Variants in WDR25 observed in about 807,000 individuals in gnomAD.
WDR25 encodes WD repeat-containing protein 25.
A neutral mutation model predicts 47.7 loss-of-function variants in WDR25; 35 were observed. The ratio of observed to expected loss-of-function variants is 0.73; its 90% CI spans 0.56 to 0.97. WDR25 has a LOEUF of 0.97. Among genes scored for constraint, WDR25 ranks in the 50% least tolerant of loss-of-function variants. WDR25 has a pLI of 0.00. For synonymous variants in WDR25, 248 were observed against 278.9 expected (o/e 0.89, Z 1.10); for missense variants, 634 against 704.7 (o/e 0.90, Z 1.14).
rs1189257117 is a variant in WDR25, at chr14:100,449,284, C to T, written c.823-18737C>T. ...CCATCCCAGCCCCATCAGGGAGGGC[C>T]AGGGAGAACCGTGGCTTCGATAATG... is the stretch of plus-strand genomic sequence containing the variant. On this transcript the variant is annotated intron_variant, in intron 2 of 6. Transcript: ENST00000402312. This position sits in a 1 kb window ranked among gnomAD's most constrained non-coding sequence, Gnocchi z 4.2. 6.6e-6 allele frequency among the ~76,000 whole-genome samples: 1 copy of T among 152,222 alleles called. No homozygotes were observed. The highest frequency in any genetic ancestry group is 2.4e-5 in the African/African-American group (1 of 41,448).
At chr14:100,527,275 G>A (rs925173636) in intron 5 of WDR25, among the ~76,000 whole-genome samples, 4 of 150,070 alleles carry the variant, frequency 2.7e-5, no homozygotes, top group Non-Finnish European at 5.9e-5. Flanking sequence ...TCACCACCGT[G>A]ATTGTCACCA....
intron 2 of WDR25, among the ~76,000 whole-genome samples, chr14:100,439,347 T>A (rs565471795): frequency 6.6e-6 from 1 of 152,342 alleles, no homozygotes; most frequent in African/African-American, 2.4e-5. Flanking sequence ...CTCCTGTGCA[T>A]CACAGAGCTG....
In WDR25 at chr14:100,381,108, G is replaced by A. The variant is rs761737359; in HGVS notation, c.184G>A (p.Ala62Thr). ...TACACTGGATGTGCCCAAAGCAGGGGCACAGCCCACAAAGCATGGCTCCTG... is the reference window on the plus strand; with the variant it reads ...TACACTGGATGTGCCCAAAGCAGGGACACAGCCCACAAAGCATGGCTCCTG... Reference protein sequence around the residue: ...SGTLDVPKAGAQPTKHGSCED... With the variant: ...SGTLDVPKAGTQPTKHGSCED... The change falls in exon 2 of 7, where the codon GCA becomes ACA. Residue 62 changes from alanine (A) to threonine (T), a missense_variant. Coordinates refer to ENST00000402312, the MANE Select transcript of WDR25 (RefSeq NM_001161476.3). 7 of 1,614,202 alleles carry A rather than the reference G, an allele frequency of 4.3e-6. No homozygotes were observed. The South Asian group carries it at 5.5e-5, about 13-fold the overall frequency.
At chr14:100,454,337 A>G (rs1899133233) in intron 2 of WDR25, 1 of 1,271,398 alleles carries the variant, frequency 7.9e-7, no homozygotes, top group African/African-American at 1.5e-5. Context: ...GACTGAGGTA[A>G]TGGGGTAATG....
Position 100,529,725 on chromosome 14 carries a change from C to G in WDR25, c.1414-95C>G. 3 of 1,386,788 alleles carry G rather than the reference C, an allele frequency of 2.2e-6. No individual in the cohort carries two copies. The highest frequency in any genetic ancestry group is 2.9e-6 in the Non-Finnish European group (3 of 1,021,220). 85.9% of individuals were successfully genotyped at this position (1,386,788 alleles called of 1,614,324 possible). A position where few individuals can be genotyped will look rare whatever the true frequency, so the allele number is the denominator to read the frequency against. On this transcript the variant is annotated intron_variant, in intron 6 of 6. Coordinates refer to ENST00000402312, the MANE Select transcript of WDR25 (RefSeq NM_001161476.3). The surrounding 1 kb of genome is among the most constrained non-coding windows in gnomAD (Gnocchi z 5.1). ...GGTGCGAAGCCCAGCTCTGCTCCGT[C>G]AGCTCGGGGCTTCAGCCTGCTCCTC...
intron 2 of WDR25, among the ~76,000 whole-genome samples, chr14:100,457,516 C>T (rs977040290): frequency 1.3e-5 from 2 of 152,156 alleles, no homozygotes; most frequent in African/African-American, 4.8e-5. Context: ...CATTTTAAAA[C>T]CGAAGTGATT....
intron 4 of WDR25, among the ~76,000 whole-genome samples, chr14:100,484,692 C>G (rs1026646182): frequency 6.6e-6 from 1 of 152,068 alleles, no homozygotes; most frequent in Non-Finnish European, 1.5e-5. Context: ...CCTAGTTGTT[C>G]AGGCCAAAAA....
chr14:100,473,171 G>A (rs1899901871), intron 3 of WDR25, among the ~76,000 whole-genome samples: 1 of 152,220 alleles, frequency 6.6e-6, no homozygotes, highest in South Asian at 2.1e-4. Flanking sequence ...TGGGCCCTGG[G>A]CTATGTGCCC....
chr14:100,442,442 G>A (rs1898699065), intron 2 of WDR25, among the ~76,000 whole-genome samples: 2 of 152,192 alleles, frequency 1.3e-5, no homozygotes, highest in Non-Finnish European at 2.9e-5. Context: ...CAACATTTCA[G>A]CACTGAAATA....
chr14:100,465,380 GGC>G (rs1899595635), intron 2 of WDR25, among the ~76,000 whole-genome samples: 1 of 151,880 alleles, frequency 6.6e-6, no homozygotes, highest in African/African-American at 2.4e-5. Flanking sequence ...CCCCAGCCCT[GGC>G]CACCACCATT....
intron 2 of WDR25, among the ~76,000 whole-genome samples, chr14:100,420,743 G>A (rs980716143): frequency 6.6e-6 from 1 of 152,222 alleles, no homozygotes; most frequent in Non-Finnish European, 1.5e-5. Flanking sequence ...AGCTAGGAGT[G>A]TATGAGGCTG....
chr14:100,496,828 CTTTT>C (rs1226765543), intron 4 of WDR25, among the ~76,000 whole-genome samples: 7 of 73,432 alleles, frequency 9.5e-5, no homozygotes, highest in African/African-American at 3.5e-4. Flanking sequence ...TTCTTTAATT[CTTTT>C]TTTTTTTTTT....
chr14:100,467,068 A>G (rs1899654984), intron 2 of WDR25, among the ~76,000 whole-genome samples: 1 of 152,208 alleles, frequency 6.6e-6, no homozygotes, highest in African/African-American at 2.4e-5. Flanking sequence ...GTTTTCTCTC[A>G]TGAGCCTCAT....
At chr14:100,507,801 A>G (rs1901166509) in intron 4 of WDR25, among the ~76,000 whole-genome samples, 1 of 152,142 alleles carries the variant, frequency 6.6e-6, no homozygotes, top group Admixed American at 6.5e-5. Flanking sequence ...GAAGTCATTT[A>G]TTAGTTCCAG....
intron 5 of WDR25, among the ~76,000 whole-genome samples, chr14:100,526,633 C>T (rs2030153006): frequency 6.6e-6 from 1 of 151,962 alleles, no homozygotes; most frequent in Non-Finnish European, 1.5e-5. Context: ...TGTGCTTTAA[C>T]TGTCATTACC....
chr14:100,479,612 A>G (rs1170515073), intron 3 of WDR25, among the ~76,000 whole-genome samples: 1 of 152,184 alleles, frequency 6.6e-6, no homozygotes, highest in East Asian at 1.9e-4. Flanking sequence ...GTATTACAAC[A>G]AATCTGTTAG....
intron 2 of WDR25, among the ~76,000 whole-genome samples, chr14:100,445,735 C>G (rs2140254154): frequency 6.6e-6 from 1 of 152,238 alleles, no homozygotes; most frequent in East Asian, 1.9e-4. Context: ...TTCCGACCTC[C>G]CTGTAGGAGG....
intron 2 of WDR25, among the ~76,000 whole-genome samples, chr14:100,464,967 C>T (rs1899574468): frequency 6.6e-6 from 1 of 151,334 alleles, no homozygotes; most frequent in Non-Finnish European, 1.5e-5. Context: ...TCCCCTACCC[C>T]ATCTCATCTC....
In WDR25 at chr14:100,381,228, G is replaced by C; in HGVS notation, c.304G>C (p.Glu102Gln). 1 of 1,614,072 alleles carries C rather than the reference G, an allele frequency of 6.2e-7. No individual in the cohort carries two copies. Among genetic ancestry groups the C allele is most frequent in the Non-Finnish European group, 8.5e-7 (1 of 1,180,026 alleles). Residue 102 changes from glutamate (E) to glutamine (Q), a missense_variant, in exon 2 of 7, where the codon GAG (glutamate) becomes CAG (glutamine). Physicochemically the swap from Glu to Gln is conservative, Grantham distance 29. Coordinates refer to ENST00000402312, the MANE Select transcript of WDR25 (RefSeq NM_001161476.3). ...PSQRLQWPGK[E>Q]PQVTFPIKEP... is the part of the protein sequence containing the mutation. ...CCAGAGGCTACAGTGGCCCGGGAAG[G>C]AGCCTCAAGTCACCTTCCCCATCAA...
Sources: gnomAD v4.1 joint callset for allele counts (sites outside exome capture counted in the v4.1 genomes callset) on GRCh38, gnomAD v4.1.1 for gene constraint, Gnocchi (gnomAD v3.1) non-coding constraint, MANE v1.5 for transcripts, NCBI Gene and HGNC (gene_info 2026-07-23, HGNC 2026-07-21) for gene names.